The following PLCL2 variants were observed in gnomAD, a reference collection of about 807,000 sequenced individuals.
PLCL2 encodes the protein inactive phospholipase C-like protein 2.
Under a neutral mutation model 79.6 loss-of-function variants are expected in PLCL2, and 4 were observed. The ratio of observed to expected loss-of-function variants is 0.05; its 90% CI spans 0.02 to 0.11. PLCL2 has a LOEUF of 0.11. Among genes scored for constraint, PLCL2 ranks in the 10% least tolerant of loss-of-function variants. The probability of loss-of-function intolerance (pLI) is 1.00; values close to 1 mark genes in which losing one functional copy is unlikely to be tolerated. For missense variants in PLCL2, 895 were observed against 1,291.0 expected (o/e 0.69, Z 4.70); for synonymous variants, 484 against 457.7 (o/e 1.06, Z -0.73).
chr3:17,052,419 T>A (rs2064852111), intron 4 of PLCL2, among the ~76,000 whole-genome samples: 1 of 152,020 alleles, frequency 6.6e-6, no homozygotes, highest in South Asian at 2.1e-4. Context: ...CCAAACAAAT[T>A]GATATCAGAC....
chr3:16,911,197 G>T (rs940934968), intron 1 of PLCL2, among the ~76,000 whole-genome samples: 2 of 148,902 alleles, frequency 1.3e-5, no homozygotes, highest in Admixed American at 6.7e-5. Context: ...AGGTTGTAGT[G>T]AGCCGAGATA....
chr3:16,916,798 A>G (rs1697005979), intron 1 of PLCL2, among the ~76,000 whole-genome samples: 1 of 152,210 alleles, frequency 6.6e-6, no homozygotes, highest in African/African-American at 2.4e-5. Context: ...AGATAGTTAA[A>G]ATCCTTGATT....
intron 1 of PLCL2, among the ~76,000 whole-genome samples, chr3:17,003,787 T>C (rs1299194054): frequency 6.6e-6 from 1 of 152,100 alleles, no homozygotes; most frequent in Non-Finnish European, 1.5e-5. Context: ...TTACAAGAGG[T>C]TCTGCTACCC....
intron 3 of PLCL2, 85 bp from the exon 4 acceptor site, chr3:17,042,789 G>C: frequency 1.1e-6 from 1 of 934,138 alleles, no homozygotes; most frequent in East Asian, 2.4e-5. Context: ...ACATCAGCCT[G>C]TTTTAGGAGA....
chr3:17,029,356 AAAGAAAG>A lies in PLCL2; in HGVS notation c.3019-13515_3019-13509del, dbSNP rs1256199488. 7.0e-4 allele frequency among the ~76,000 whole-genome samples: 106 copies of A among 151,752 alleles called. 1 individual carries two copies. Among genetic ancestry groups the A allele is most frequent in the African/African-American group, 2.5e-3 (102 of 41,304 alleles). Reference sequence around the variant, plus strand: ...TCGTATGCCCTTAAAAAAAAGAAAGAAAGAAAGAAAAAAAAAAACAACTGTATAGAAG... The same window carrying A: ...TCGTATGCCCTTAAAAAAAAGAAAGAAAAAAAAAAAACAACTGTATAGAAG... On this transcript the variant is annotated intron_variant, in intron 3 of 5. Coordinates refer to ENST00000615277, the MANE Select transcript of PLCL2 (RefSeq NM_001144382.2).
At chr3:17,082,807 G>A (rs995638374) in intron 5 of PLCL2, among the ~76,000 whole-genome samples, 2 of 151,988 alleles carry the variant, frequency 1.3e-5, no homozygotes, top group Admixed American at 6.6e-5. Context: ...AAGAAAAAAG[G>A]AAACCAAAGA....
chr3:17,047,094 G>C (rs1333939081), intron 4 of PLCL2, among the ~76,000 whole-genome samples: 1 of 152,200 alleles, frequency 6.6e-6, no homozygotes, highest in Non-Finnish European at 1.5e-5. Flanking sequence ...GAATGTGACT[G>C]CTTCTGGGGA....
chr3:17,087,833 AAAT>A (rs2065236716), intron 5 of PLCL2, among the ~76,000 whole-genome samples: 2 of 152,208 alleles, frequency 1.3e-5, no homozygotes, highest in Admixed American at 6.5e-5. Flanking sequence ...TAATTTTAAA[AAAT>A]AATATTTGGA....
At chr3:17,028,347 C>G (rs2064540948) in intron 3 of PLCL2, among the ~76,000 whole-genome samples, 1 of 152,196 alleles carries the variant, frequency 6.6e-6, no homozygotes, top group South Asian at 2.1e-4. Context: ...GAAACCCTCT[C>G]CCACCTGAGG....
rs182474963 is a variant in PLCL2 at position 16,887,006 on chromosome 3, G to A, written c.327+1640G>A. On this transcript the variant is annotated intron_variant, in intron 1 of 5. Transcript: ENST00000615277. The surrounding 1 kb of genome is among the most constrained non-coding windows in gnomAD (Gnocchi z 4.1). Reference sequence around the variant, plus strand: ...TAGTGTCCATAGTGAGATTCATAGTGTAACTTACTGAATTACAAAAACATT... The same window carrying A: ...TAGTGTCCATAGTGAGATTCATAGTATAACTTACTGAATTACAAAAACATT... Among the ~76,000 whole-genome samples the A allele has an allele frequency of 3.3e-5, 5 of 152,302 alleles. No individual in the cohort carries two copies. Among genetic ancestry groups the A allele is most frequent in the Non-Finnish European group, 7.4e-5 (5 of 68,022 alleles).
rs1013347905 is a variant in PLCL2, at chr3:16,940,987, A to G, written c.327+55621A>G. On this transcript the variant is annotated intron_variant, in intron 1 of 5. Coordinates refer to ENST00000615277, the MANE Select transcript of PLCL2 (RefSeq NM_001144382.2). ...GTAGGCCTGCAGTCCTCTTTATGCT[A>G]CGAGCCCTTGGCTTCCACCTCTGTA... 6.6e-5 allele frequency among the ~76,000 whole-genome samples: 10 copies of G among 152,238 alleles called. No homozygotes were observed. In the East Asian group the frequency reaches 1.9e-3, roughly 29 times the overall value.
chr3:16,980,745 A>G (rs974077223), intron 1 of PLCL2, among the ~76,000 whole-genome samples: 5 of 152,224 alleles, frequency 3.3e-5, no homozygotes, highest in Non-Finnish European at 5.9e-5. Flanking sequence ...GCGGCCGGGC[A>G]GAGGCTGCAA....
At chr3:16,952,424 CTGT>C (rs1370825911) in intron 1 of PLCL2, among the ~76,000 whole-genome samples, 2 of 135,362 alleles carry the variant, frequency 1.5e-5, no homozygotes, top group East Asian at 4.5e-4. Context: ...TTTTAGGAAC[CTGT>C]TTAACTCAAG....
chr3:16,948,958 T>C (rs1224060150), intron 1 of PLCL2, among the ~76,000 whole-genome samples: 1 of 152,236 alleles, frequency 6.6e-6, no homozygotes, highest in Non-Finnish European at 1.5e-5. Context: ...TAGTTTGCCA[T>C]AAGCCATAAA....
intron 3 of PLCL2, among the ~76,000 whole-genome samples, chr3:17,035,023 A>G (rs981548301): frequency 1.4e-4 from 21 of 152,138 alleles, no homozygotes; most frequent in African/African-American, 5.1e-4. Flanking sequence ...TGCTTATTCC[A>G]GTGATTCTGG....
chr3:16,991,240 T>C (rs1183254538), intron 1 of PLCL2, among the ~76,000 whole-genome samples: 2 of 152,172 alleles, frequency 1.3e-5, no homozygotes. Flanking sequence ...CTGGGTACTA[T>C]TTAACCTCTG....
At chr3:17,076,136 A>G (rs2065106529) in intron 5 of PLCL2, among the ~76,000 whole-genome samples, 1 of 152,208 alleles carries the variant, frequency 6.6e-6, no homozygotes, top group Admixed American at 6.5e-5. Context: ...TTTCCCCAGC[A>G]GTGTTGCAAG....
chr3:16,903,670 C>T (rs1241507059), intron 1 of PLCL2, among the ~76,000 whole-genome samples: 1 of 152,106 alleles, frequency 6.6e-6, no homozygotes, highest in African/African-American at 2.4e-5. Context: ...GACAGAGCCC[C>T]AACGGTTCAG....
chr3:17,089,676 A>G, intron 5 of PLCL2, 57 bp from the exon 6 acceptor site: 1 of 970,988 alleles, frequency 1.0e-6, no homozygotes, highest in African/African-American at 1.6e-5. Flanking sequence ...ATATTGTTGA[A>G]GTATAACACT....
Sources: allele counts gnomAD v4.1 joint callset (sites outside exome capture counted in the v4.1 genomes callset), GRCh38; gene constraint gnomAD v4.1.1; non-coding constraint Gnocchi (gnomAD v3.1); transcripts MANE v1.5; gene names NCBI Gene and HGNC (gene_info 2026-07-23, HGNC 2026-07-21).